The following HAPLN1 variants were observed in gnomAD, a reference collection of about 807,000 sequenced individuals.
HAPLN1 encodes the protein hyaluronan and proteoglycan link protein 1.
A neutral mutation model predicts 36.5 loss-of-function variants in HAPLN1; 13 were observed. The ratio of observed to expected loss-of-function variants is 0.36; its 90% CI spans 0.23 to 0.57. The LOEUF is 0.57. HAPLN1 is among the 20% of genes least tolerant of loss of function. HAPLN1 has a pLI of 0.83. For synonymous variants in HAPLN1, 202 were observed against 169.8 expected (o/e 1.19, Z -1.48); for missense variants, 407 against 439.7 (o/e 0.93, Z 0.66).
chr5:83,689,988 T>C (rs2112618868), intron 1 of HAPLN1, among the ~76,000 whole-genome samples: 1 of 152,212 alleles, frequency 6.6e-6, no homozygotes, highest in South Asian at 2.1e-4. Flanking sequence ...AGAGCTAATG[T>C]TATTTTACAT....
At chr5:83,672,607 G>A (rs1314979921) in intron 2 of HAPLN1, among the ~76,000 whole-genome samples, 1 of 152,162 alleles carries the variant, frequency 6.6e-6, no homozygotes, top group East Asian at 1.9e-4. Flanking sequence ...CTGAGGCTAC[G>A]CTTTTGACCT....
intron 1 of HAPLN1, among the ~76,000 whole-genome samples, chr5:83,707,662 A>G (rs565939735): frequency 3.7e-4 from 56 of 152,342 alleles, no homozygotes; most frequent in Non-Finnish European, 5.1e-4. Flanking sequence ...ACCATCCTGG[A>G]AACAGGAACA....
chr5:83,671,619 T>C (rs1580139171), intron 2 of HAPLN1, among the ~76,000 whole-genome samples: 1 of 152,166 alleles, frequency 6.6e-6, no homozygotes, highest in African/African-American at 2.4e-5. Flanking sequence ...TGAAGAACTA[T>C]GGGATTTGAA....
At chr5:83,688,251 G>A (rs1306344340) in intron 1 of HAPLN1, among the ~76,000 whole-genome samples, 2 of 152,088 alleles carry the variant, frequency 1.3e-5, no homozygotes, top group East Asian at 3.8e-4. Flanking sequence ...GTACATTTTA[G>A]GCATGGGAGA....
At chr5:83,704,296 C>A (rs538545114) in intron 1 of HAPLN1, among the ~76,000 whole-genome samples, 2 of 152,090 alleles carry the variant, frequency 1.3e-5, no homozygotes, top group African/African-American at 4.8e-5. Flanking sequence ...CTAGTTAATA[C>A]AAAAGCACAC....
At chr5:83,653,770 G>T (rs146637754) in intron 2 of HAPLN1, among the ~76,000 whole-genome samples, 1 of 152,168 alleles carries the variant, frequency 6.6e-6, no homozygotes, top group East Asian at 1.9e-4. Flanking sequence ...CAGGTCTGCC[G>T]TTTTCTACAT....
At chr5:83,684,157 G>C (rs1751067801) in intron 1 of HAPLN1, among the ~76,000 whole-genome samples, 1 of 152,138 alleles carries the variant, frequency 6.6e-6, no homozygotes, top group South Asian at 2.1e-4. Context: ...AACAACACCA[G>C]ATAGGCTAAG....
intron 1 of HAPLN1, chr5:83,682,455 TAA>T (rs1351979930): frequency 1.3e-5 from 2 of 152,324 alleles, no homozygotes; most frequent in Admixed American, 6.5e-5. Flanking sequence ...CTAGTTATAC[TAA>T]GTCATAATAA....
At chr5:83,669,890 GATTAAGTAA>G (rs1750658644) in intron 2 of HAPLN1, among the ~76,000 whole-genome samples, 2 of 152,158 alleles carry the variant, frequency 1.3e-5, no homozygotes, top group African/African-American at 2.4e-5. Flanking sequence ...GATTTGGAGA[GATTAAGTAA>G]ATTTTCCAAG....
chr5:83,643,605 T>G (rs1749768437), intron 4 of HAPLN1, among the ~76,000 whole-genome samples: 1 of 152,078 alleles, frequency 6.6e-6, no homozygotes, highest in Admixed American at 6.6e-5. Context: ...TTTCCTTTTT[T>G]TTTCTTTTTA....
At chr5:83,712,859 A>G (rs760360270) in intron 1 of HAPLN1, among the ~76,000 whole-genome samples, 45 of 149,588 alleles carry the variant, frequency 3.0e-4, no homozygotes, top group Non-Finnish European at 4.5e-4. Context: ...AAGCAGTCCT[A>G]TAAGGGGAGG....
chr5:83,714,958 C>G (rs186767498), intron 1 of HAPLN1, among the ~76,000 whole-genome samples: 1 of 152,168 alleles, frequency 6.6e-6, no homozygotes, highest in African/African-American at 2.4e-5. Flanking sequence ...CTGGCTAAAG[C>G]GCTAGGGGAG....
At chr5:83,702,731 T>TC (rs775416721) in intron 1 of HAPLN1, among the ~76,000 whole-genome samples, 3 of 122,938 alleles carry the variant, frequency 2.4e-5, no homozygotes, top group Non-Finnish European at 5.2e-5. Flanking sequence ...TCTTTTTTTT[T>TC]CCCCCAACAG....
intron 1 of HAPLN1, among the ~76,000 whole-genome samples, chr5:83,686,196 T>A (rs773206227): frequency 2.8e-4 from 40 of 143,506 alleles, no homozygotes; most frequent in Non-Finnish European, 5.6e-4. Context: ...AAATTACCGA[T>A]CTCATTTCTT....
intron 2 of HAPLN1, among the ~76,000 whole-genome samples, chr5:83,657,097 CTT>C (rs1238077382): frequency 1.6e-4 from 22 of 138,396 alleles, no homozygotes; most frequent in Admixed American, 2.2e-4. Flanking sequence ...TTTTGGTTTT[CTT>C]TTTTTTTTTT....
intron 1 of HAPLN1, among the ~76,000 whole-genome samples, chr5:83,688,296 T>C (rs2112616633): frequency 6.6e-6 from 1 of 152,318 alleles, no homozygotes; most frequent in African/African-American, 2.4e-5. Flanking sequence ...CAGTGATCAC[T>C]GACACACCAT....
At chr5:83,713,094 C>A (rs1445845351) in intron 1 of HAPLN1, among the ~76,000 whole-genome samples, 5 of 150,888 alleles carry the variant, frequency 3.3e-5, no homozygotes, top group Non-Finnish European at 5.9e-5. Flanking sequence ...TGGTGAATTA[C>A]CATCTACACC....
chr5:83,657,086 T>C (rs1411419488), intron 2 of HAPLN1, among the ~76,000 whole-genome samples: 1 of 151,664 alleles, frequency 6.6e-6, no homozygotes, highest in Non-Finnish European at 1.5e-5. Flanking sequence ...TTTGTGTGTG[T>C]TTTTGGTTTT....
chr5:83,682,262 C>T (rs1478213364), intron 1 of HAPLN1: 1 of 152,114 alleles, frequency 6.6e-6, no homozygotes, highest in East Asian at 1.9e-4. Context: ...ACACTAAGCT[C>T]ACCACTGCAT....
Sources: gnomAD v4.1 joint callset for allele counts (sites outside exome capture counted in the v4.1 genomes callset) on GRCh38, gnomAD v4.1.1 for gene constraint, MANE v1.5 for transcripts, NCBI Gene and HGNC (gene_info 2026-07-23, HGNC 2026-07-21) for gene names.